Variants in CYRIA observed in about 807,000 individuals in gnomAD.
CYRIA encodes the protein CYFIP related Rac1 interactor A.
A neutral mutation model predicts 43.9 loss-of-function variants in CYRIA; 15 were observed. The ratio of observed to expected loss-of-function variants is 0.34; its 90% CI spans 0.23 to 0.53. CYRIA has a LOEUF of 0.53. Among genes scored for constraint, CYRIA ranks in the 20% least tolerant of loss-of-function variants. The pLI, the probability that CYRIA is intolerant of heterozygous loss-of-function variation, is 0.94. For synonymous variants in CYRIA, 117 were observed against 136.0 expected (o/e 0.86, Z 0.97); for missense variants, 236 against 394.2 (o/e 0.60, Z 3.40).
intron 3 of CYRIA, among the ~76,000 whole-genome samples, chr2:16,578,679 T>A (rs950026136): frequency 3.9e-5 from 6 of 152,090 alleles, no homozygotes; most frequent in Admixed American, 1.3e-4. Context: ...GTAGAAAGTA[T>A]CAGTAAACTT....
In CYRIA at chr2:16,550,841, A is replaced by C. The variant is rs956301387; in HGVS notation, c.*2095T>G. ...GGGAGAAATTGACCCAATGATGATA[A>C]ATATTGTGTGGTTCTATATTTCTAG... is the stretch of plus-strand genomic sequence containing the variant. On this transcript the variant is annotated 3_prime_UTR_variant, in exon 12 of 12. Transcript: ENST00000381323. The C allele has an allele frequency of 1.3e-5, 2 of 152,030 alleles. No homozygotes were observed. The highest frequency in any genetic ancestry group is 4.8e-5 in the African/African-American group (2 of 41,392). 9.4% of individuals were successfully genotyped at this position (152,030 alleles called of 1,614,324 possible). A position where few individuals can be genotyped will look rare whatever the true frequency, so the allele number is the denominator to read the frequency against.
chr2:16,555,652 T>G (rs938935975), intron 10 of CYRIA, among the ~76,000 whole-genome samples: 7 of 152,154 alleles, frequency 4.6e-5, no homozygotes, highest in Non-Finnish European at 1.0e-4. Flanking sequence ...GATCATTACC[T>G]CCTGGAATCC....
chr2:16,659,549 C>A (rs537289872), intron 1 of CYRIA, among the ~76,000 whole-genome samples: 1 of 152,306 alleles, frequency 6.6e-6, no homozygotes, highest in East Asian at 1.9e-4. Context: ...AAGTGGGCAG[C>A]GTGACTACAA....
At chr2:16,608,135 T>C (rs1461815505) in intron 2 of CYRIA, among the ~76,000 whole-genome samples, 3 of 152,160 alleles carry the variant, frequency 2.0e-5, no homozygotes, top group Admixed American at 6.5e-5. Context: ...ATTATTCATT[T>C]ATGGCCACTG....
intron 5 of CYRIA, 45 bp downstream of exon 5, chr2:16,563,944 C>G: frequency 6.9e-7 from 1 of 1,439,724 alleles, no homozygotes. Flanking sequence ...AACATCAAAA[C>G]AGAACTCCGT....
At chr2:16,619,365 G>T (rs1301466370) in intron 2 of CYRIA, among the ~76,000 whole-genome samples, 1 of 152,080 alleles carries the variant, frequency 6.6e-6, no homozygotes, top group Non-Finnish European at 1.5e-5. Context: ...AACCCTCTGT[G>T]TGTGTGTGCA....
At chr2:16,557,709 T>C (rs183695345) in intron 10 of CYRIA, among the ~76,000 whole-genome samples, 2 of 152,270 alleles carry the variant, frequency 1.3e-5, no homozygotes, top group East Asian at 3.9e-4. Context: ...TAACATGATA[T>C]ACTGTTTACA....
chr2:16,558,513 G>A (rs1666609525), intron 10 of CYRIA, among the ~76,000 whole-genome samples: 1 of 152,110 alleles, frequency 6.6e-6, no homozygotes, highest in African/African-American at 2.4e-5. Flanking sequence ...ACCAAGAGAT[G>A]CTATTCTGCA....
intron 1 of CYRIA, among the ~76,000 whole-genome samples, chr2:16,640,674 A>C (rs1669650078): frequency 6.6e-6 from 1 of 152,138 alleles, no homozygotes; most frequent in Admixed American, 6.5e-5. Context: ...CAGGCACTGG[A>C]TCAGATCAGG....
chr2:16,588,419 G>A (rs72777921), intron 2 of CYRIA, among the ~76,000 whole-genome samples: 2,423 of 148,600 alleles, frequency 0.016, 36 homozygotes, highest in Non-Finnish European at 0.025. Context: ...TCCATATCTC[G>A]TTCACCATAT....
chr2:16,553,510 T>C (rs1002177654), intron 11 of CYRIA, among the ~76,000 whole-genome samples: 7 of 152,298 alleles, frequency 4.6e-5, no homozygotes, highest in East Asian at 1.9e-4. Flanking sequence ...AAATCATTTA[T>C]GCAAAAGAAG....
intron 3 of CYRIA, among the ~76,000 whole-genome samples, chr2:16,566,057 G>A (rs571938312): frequency 4.4e-4 from 67 of 152,236 alleles, no homozygotes; most frequent in African/African-American, 1.0e-3. Flanking sequence ...CACCTGCTAC[G>A]TAAAACAGGG....
intron 2 of CYRIA, among the ~76,000 whole-genome samples, chr2:16,621,595 T>C (rs1478829739): frequency 6.6e-6 from 1 of 152,226 alleles, no homozygotes; most frequent in Non-Finnish European, 1.5e-5. Flanking sequence ...CACAGGCTCC[T>C]CATTCCTTCT....
At chr2:16,570,934 G>C (rs889542752) in intron 3 of CYRIA, among the ~76,000 whole-genome samples, 1 of 152,142 alleles carries the variant, frequency 6.6e-6, no homozygotes, top group African/African-American at 2.4e-5. Context: ...CATAAAGCTG[G>C]AGTTACTCCT....
Position 16,550,304 on chromosome 2 carries a change from C to CAA in CYRIA, c.*2630_*2631dup, listed in dbSNP as rs35003671. 10,078 of 144,194 alleles carry CAA rather than the reference C, an allele frequency of 0.07. 884 individuals are homozygous for CAA. Among genetic ancestry groups the CAA allele is most frequent in the African/African-American group, 0.21 (8,156 of 39,578 alleles). The allele number at this position is 144,194 out of a possible 1,614,324, so 8.9% of individuals were successfully genotyped here. A position where few individuals can be genotyped will look rare whatever the true frequency, so the allele number is the denominator to read the frequency against. On this transcript the variant is annotated 3_prime_UTR_variant, in exon 12 of 12. Coordinates refer to ENST00000381323, the MANE Select transcript of CYRIA (RefSeq NM_030797.4). ...CACACACAAAAACCAAAAACAAAGC[C>CAA]AAAAAAAAAAAAATCCCAAACACAA...
intron 1 of CYRIA, among the ~76,000 whole-genome samples, chr2:16,657,974 A>T (rs532386193): frequency 6.6e-6 from 1 of 152,234 alleles, no homozygotes; most frequent in South Asian, 2.1e-4. Context: ...ATGTGTCAAA[A>T]AATAGCTTAT....
chr2:16,639,293 C>A (rs1047167805), intron 1 of CYRIA, among the ~76,000 whole-genome samples: 13 of 152,186 alleles, frequency 8.5e-5, no homozygotes, highest in African/African-American at 3.1e-4. Flanking sequence ...ATGTATGTTT[C>A]CAATTTTAGA....
Position 16,552,933 on chromosome 2 carries a change from G to A in CYRIA, c.*3C>T, listed in dbSNP as rs201324134. ...ACATAGATCCTCTTCTTTGAGCAGA[G>A]CTCTACTGAAGCATTGCTCGAATCT... is the stretch of plus-strand genomic sequence containing the variant. On this transcript the variant is annotated 3_prime_UTR_variant, in exon 12 of 12. Transcript: ENST00000381323. The A allele has an allele frequency of 1.8e-5, 28 of 1,585,948 alleles. No homozygotes were observed. The East Asian group carries it at 5.8e-4, about 33-fold the overall frequency.
rs183434138 is a variant in CYRIA at position 16,577,355 on chromosome 2, T to C, written c.70+10695A>G. ...GATATATATCTGTAACACATTTAGA[T>C]ATAAATATGTAACACATTTTCATAT... On this transcript the variant is annotated intron_variant, in intron 3 of 11. Coordinates refer to ENST00000381323, the MANE Select transcript of CYRIA (RefSeq NM_030797.4). Among the ~76,000 whole-genome samples the C allele has an allele frequency of 7.2e-5, 11 of 152,296 alleles. No homozygotes were observed. In the East Asian group the frequency reaches 2.1e-3, roughly 29 times the overall value.
Sources: gnomAD v4.1 joint callset for allele counts (sites outside exome capture counted in the v4.1 genomes callset) on GRCh38, gnomAD v4.1.1 for gene constraint, MANE v1.5 for transcripts, NCBI Gene and HGNC (gene_info 2026-07-23, HGNC 2026-07-21) for gene names.